SPIRE2: variants seen among roughly 807,000 people sequenced by gnomAD.
SPIRE2 encodes the protein spire type actin nucleation factor 2.
Under a neutral mutation model 80.7 loss-of-function variants are expected in SPIRE2, and 76 were observed. The observed-to-expected ratio is 0.94, with a 90% CI of 0.78 to 1.14. SPIRE2 has a LOEUF of 1.14. SPIRE2 is among the 50% of genes most tolerant of loss of function. The pLI is 0.00. For synonymous variants in SPIRE2, 535 were observed against 432.6 expected, an observed-to-expected ratio of 1.24 and a Z score of -2.94; for missense variants, 1,196 against 1,015.3, an observed-to-expected ratio of 1.18 and a Z score of -2.42.
chr16:89,838,103 G>A (rs1228461937), intron 1 of SPIRE2, among the ~76,000 whole-genome samples: 1 of 149,020 alleles, frequency 6.7e-6, no homozygotes, highest in Non-Finnish European at 1.5e-5. Flanking sequence ...GGGATCAAAC[G>A]ATTCTCCCAC....
intron 3 of SPIRE2, among the ~76,000 whole-genome samples, 174 bp downstream of exon 3, chr16:89,850,834 TGTTGTTG>T (rs1255494082): frequency 6.6e-6 from 1 of 152,010 alleles, no homozygotes. Context: ...GTTGTTTTTT[TGTTGTTG>T]TTGTTGTTTT....
chr16:89,845,284 G>T (rs563189765), intron 1 of SPIRE2, 38 bp from the exon 2 acceptor site: 3 of 1,607,096 alleles, frequency 1.9e-6, no homozygotes, highest in South Asian at 1.1e-5. Flanking sequence ...GGGTCCCGGG[G>T]ATGCTGACAA....
intron 1 of SPIRE2, among the ~76,000 whole-genome samples, chr16:89,843,403 C>T (rs1001257477): frequency 7.9e-5 from 12 of 152,066 alleles, no homozygotes; most frequent in African/African-American, 1.4e-4. Context: ...CTCCAGCTTC[C>T]ACCTGCATTT....
At chr16:89,838,013 TTTTTA>T in intron 1 of SPIRE2, among the ~76,000 whole-genome samples, 1 of 151,236 alleles carries the variant, frequency 6.6e-6, no homozygotes, top group East Asian at 1.9e-4. Flanking sequence ...TCTTTTTTTG[TTTTTA>T]TTTTTTTTTC....
Position 89,828,827 on chromosome 16 carries a change from C to T in SPIRE2, c.244+33C>T, listed in dbSNP as rs2041351634. The T allele has an allele frequency of 3.2e-5, 37 of 1,172,476 alleles. No homozygotes were observed. Among genetic ancestry groups the T allele is most frequent in the East Asian group, 3.8e-5 (1 of 26,020 alleles). The allele number at this position is 1,172,476 out of a possible 1,614,324, so 72.6% of individuals were successfully genotyped here. On this transcript the variant is annotated intron_variant, in intron 1 of 14. Coordinates refer to ENST00000378247, the MANE Select transcript of SPIRE2 (RefSeq NM_032451.2). This position sits in a 1 kb window ranked among gnomAD's most constrained non-coding sequence, Gnocchi z 5.9. ...CGGGGGCGGGGCAGCCGGCGGGGAC[C>T]GCGGTCTGGGGCGTCCGTCCCGCCC...
At chr16:89,865,528 G>T (rs929595457) in intron 12 of SPIRE2, among the ~76,000 whole-genome samples, 2 of 152,072 alleles carry the variant, frequency 1.3e-5, no homozygotes, top group South Asian at 2.1e-4. Flanking sequence ...TCCAAAAAAA[G>T]GTAGGAAAAG....
At chr16:89,844,150 TTTTTTA>T (rs1268933500) in intron 1 of SPIRE2, among the ~76,000 whole-genome samples, 1 of 150,912 alleles carries the variant, frequency 6.6e-6, no homozygotes, top group Non-Finnish European at 1.5e-5. Context: ...CCTGGCTAAT[TTTTTTA>T]TTTTTATTTT....
chr16:89,835,926 G>A (rs1229695134), intron 1 of SPIRE2, among the ~76,000 whole-genome samples: 2 of 152,174 alleles, frequency 1.3e-5, no homozygotes, highest in East Asian at 3.9e-4. Flanking sequence ...TGTAATCCCA[G>A]CACTTTGGGA....
intron 14 of SPIRE2, 61 bp downstream of exon 14, chr16:89,869,743 G>T: frequency 7.6e-7 from 1 of 1,321,038 alleles, no homozygotes; most frequent in Non-Finnish European, 1.1e-6. Flanking sequence ...AGGAACTTGG[G>T]AGCTGGGGTG....
chr16:89,854,157 C>T (rs2041664565), intron 3 of SPIRE2, 129 bp from the exon 4 acceptor site: 3 of 859,346 alleles, frequency 3.5e-6, no homozygotes, highest in Non-Finnish European at 5.5e-6. Context: ...GGCCAAAATG[C>T]CCAGCTGTCT....
At chr16:89,841,757 G>A (rs1042036838) in intron 1 of SPIRE2, among the ~76,000 whole-genome samples, 6 of 152,048 alleles carry the variant, frequency 3.9e-5, no homozygotes, top group African/African-American at 1.4e-4. Context: ...GAGTGCAGTG[G>A]CACGATCTCG....
rs12921652 is a variant in SPIRE2 at position 89,854,309 on chromosome 16, C to T, written c.669C>T (p.Asp223=). ...AKEMLQKLRE[D]EPHLETPRAE... is the part of the protein sequence containing the mutation. ...AGATGCTGCAGAAGCTTCGGGAGGACGAGCCGCATCTGGAGACGCCTCGGG... is the reference window on the plus strand; with the variant it reads ...AGATGCTGCAGAAGCTTCGGGAGGATGAGCCGCATCTGGAGACGCCTCGGG... Residue 223 remains aspartate (D), a synonymous_variant, in exon 4 of 15, where the codon GAC becomes GAT. Coordinates refer to ENST00000378247, the MANE Select transcript of SPIRE2 (RefSeq NM_032451.2). 15,782 of 1,611,402 alleles carry T rather than the reference C, an allele frequency of 9.8e-3. 273 individuals are homozygous for T. Among genetic ancestry groups the T allele is most frequent in the South Asian group, 0.061 (5,533 of 90,950 alleles).
chr16:89,863,295 G>T lies in SPIRE2; in HGVS notation c.1576-181G>T. On this transcript the variant is annotated intron_variant, in intron 10 of 14. Coordinates refer to ENST00000378247, the MANE Select transcript of SPIRE2 (RefSeq NM_032451.2). The surrounding 1 kb of genome is among the most constrained non-coding windows in gnomAD (Gnocchi z 4.3). ...GTCATGGGAGGCCTGGCCTGCAGCA[G>T]CAGGGCCCATCAAAGACATGGGGAT... The T allele has an allele frequency of 1.5e-6, 1 of 681,320 alleles. No individual in the cohort carries two copies. Among genetic ancestry groups the T allele is most frequent in the South Asian group, 1.9e-5 (1 of 51,998 alleles). The allele number at this position is 681,320 out of a possible 1,614,324, so 42.2% of individuals were successfully genotyped here.
At chr16:89,850,906 G>T (rs1278793054) in intron 3 of SPIRE2, among the ~76,000 whole-genome samples, 1 of 151,828 alleles carries the variant, frequency 6.6e-6, no homozygotes, top group African/African-American at 2.4e-5. Flanking sequence ...GCTCGATCTC[G>T]GCTCACTGCA....
Position 89,860,773 on chromosome 16 carries a change from C to G in SPIRE2, c.1553C>G (p.Pro518Arg), listed in dbSNP as rs2041736070. 6.5e-7 allele frequency: 1 copy of G among 1,547,160 alleles called. No individual in the cohort carries two copies. The highest frequency in any genetic ancestry group is 8.7e-7 in the Non-Finnish European group (1 of 1,147,808). ...GACAGACCCGAGGCCTCCATGACCC[C>G]CGATGCCAAACACCTGTGGCTGGTG... Reference protein sequence around the residue: ...SGDRPEASMTPDAKHLWLEFS... With the variant: ...SGDRPEASMTRDAKHLWLEFS... The change falls in exon 10 of 15, where the codon CCC becomes CGC. Residue 518 changes from proline (P) to arginine (R), a missense_variant. Coordinates refer to ENST00000378247, the MANE Select transcript of SPIRE2 (RefSeq NM_032451.2).
At position 89,828,675 on chromosome 16, in the gene SPIRE2, C is replaced by A; in HGVS notation, c.125C>A (p.Ala42Asp). 2 of 1,340,410 alleles carry A rather than the reference C, an allele frequency of 1.5e-6. No homozygotes were observed. Among genetic ancestry groups the A allele is most frequent in the African/African-American group, 1.5e-5 (1 of 66,488 alleles). The allele number at this position is 1,340,410 out of a possible 1,614,324, so 83.0% of individuals were successfully genotyped here. ...EQPLNEEQAW[A>D]VCFQGCRGLR... ...CCGCTCAACGAGGAGCAGGCGTGGG[C>A]CGTGTGCTTCCAGGGCTGCCGCGGG... Residue 42 changes from alanine (A) to aspartate (D), a missense_variant, in exon 1 of 15, where the codon GCC becomes GAC. By Grantham distance (126) the Ala-to-Asp change is moderately radical. Coordinates refer to ENST00000378247, the MANE Select transcript of SPIRE2 (RefSeq NM_032451.2). This position sits in a 1 kb window ranked among gnomAD's most constrained non-coding sequence, Gnocchi z 5.9.
Position 89,828,591 on chromosome 16 carries a change from C to T in SPIRE2, c.41C>T (p.Ala14Val). The change falls in exon 1 of 15, where the codon GCA (alanine) becomes GTA (valine). Residue 14 changes from alanine (A) to valine (V), a missense_variant. Ala to Val is a moderately conservative substitution (Grantham distance 64). Coordinates refer to ENST00000378247, the MANE Select transcript of SPIRE2 (RefSeq NM_032451.2). The surrounding 1 kb of genome is among the most constrained non-coding windows in gnomAD (Gnocchi z 5.9). ...AGSCGGAAAG[A>V]GRPEPWELSL... ...AGCTGCGGCGGCGCCGCGGCGGGCG[C>T]AGGGCGGCCGGAGCCCTGGGAGCTG... is the stretch of plus-strand genomic sequence containing the variant. 1 of 1,199,202 alleles carries T rather than the reference C, an allele frequency of 8.3e-7. No individual in the cohort carries two copies. Among genetic ancestry groups the T allele is most frequent in the Non-Finnish European group, 1.0e-6 (1 of 966,048 alleles). The allele number at this position is 1,199,202 out of a possible 1,614,324, so 74.3% of individuals were successfully genotyped here. A position where few individuals can be genotyped will look rare whatever the true frequency, so the allele number is the denominator to read the frequency against.
At chr16:89,833,016 A>G (rs1189381324) in intron 1 of SPIRE2, among the ~76,000 whole-genome samples, 3 of 133,956 alleles carry the variant, frequency 2.2e-5, no homozygotes, top group African/African-American at 5.9e-5. Flanking sequence ...TGTGAGACAG[A>G]GTTTCGCTCT....
chr16:89,861,892 C>G (rs1461517546), intron 10 of SPIRE2: 1 of 152,248 alleles, frequency 6.6e-6, no homozygotes, highest in Non-Finnish European at 1.5e-5. Context: ...CAGTGAAAGC[C>G]ACTGAGTATT....
Sources: allele counts gnomAD v4.1 joint callset (sites outside exome capture counted in the v4.1 genomes callset), GRCh38; gene constraint gnomAD v4.1.1; non-coding constraint Gnocchi (gnomAD v3.1); transcripts MANE v1.5; gene names NCBI Gene and HGNC (gene_info 2026-07-23, HGNC 2026-07-21).